The following DSCAM variants were observed in gnomAD, a reference collection of about 807,000 sequenced individuals.
DSCAM encodes the protein cell adhesion molecule DSCAM.
A neutral mutation model predicts 217.7 loss-of-function variants in DSCAM; 47 were observed. The ratio of observed to expected loss-of-function variants is 0.22; its 90% CI spans 0.17 to 0.28. The LOEUF is 0.28. DSCAM is among the 10% of genes least tolerant of loss of function. DSCAM has a pLI of 1.00. For missense variants in DSCAM, 2,080 were observed against 2,618.3 expected, an observed-to-expected ratio of 0.79 and a Z score of 4.49; for synonymous variants, 1,056 against 1,015.3, an observed-to-expected ratio of 1.04 and a Z score of -0.76.
intron 3 of DSCAM, among the ~76,000 whole-genome samples, chr21:40,477,178 A>C (rs1001948972): frequency 6.6e-6 from 1 of 152,198 alleles, no homozygotes; most frequent in Non-Finnish European, 1.5e-5. Context: ...TTCAAACCTC[A>C]TTCATACAAT....
intron 11 of DSCAM, among the ~76,000 whole-genome samples, chr21:40,217,833 G>A (rs149484539): frequency 0.014 from 2,183 of 152,030 alleles, 51 homozygotes; most frequent in African/African-American, 0.048. Context: ...GTCTGTTCAC[G>A]TCCTTTGCCC....
At chr21:40,708,427 A>G in intron 2 of DSCAM, 27 bp downstream of exon 2, 1 of 1,386,380 alleles carries the variant, frequency 7.2e-7, no homozygotes, top group Non-Finnish European at 9.4e-7. Context: ...CAGGCACAGA[A>G]AAAACAAAGC....
intron 8 of DSCAM, among the ~76,000 whole-genome samples, chr21:40,317,415 C>T (rs1464090290): frequency 1.3e-5 from 2 of 152,140 alleles, no homozygotes; most frequent in Admixed American, 6.5e-5. Context: ...GATTTATGGA[C>T]GTGCCCATTT....
At chr21:40,114,384 C>T (rs2089940633) in intron 20 of DSCAM, among the ~76,000 whole-genome samples, 1 of 151,372 alleles carries the variant, frequency 6.6e-6, no homozygotes, top group African/African-American at 2.4e-5. Flanking sequence ...AACTGGATCC[C>T]TTCCTTACAC....
chr21:40,652,344 C>T (rs1026611673), intron 3 of DSCAM, among the ~76,000 whole-genome samples: 1 of 35,926 alleles, frequency 2.8e-5, no homozygotes, highest in Non-Finnish European at 5.2e-5. Context: ...ACAACAACAA[C>T]AACAAAAAAA....
chr21:40,345,681 G>A (rs376758129), intron 6 of DSCAM, among the ~76,000 whole-genome samples: 143 of 152,036 alleles, frequency 9.4e-4, no homozygotes, highest in African/African-American at 3.2e-3. Flanking sequence ...TTAATCCATC[G>A]CTATTTCAGT....
At chr21:40,666,101 T>C (rs2090196400) in intron 3 of DSCAM, among the ~76,000 whole-genome samples, 3 of 152,060 alleles carry the variant, frequency 2.0e-5, no homozygotes, top group Admixed American at 2.0e-4. Flanking sequence ...AATTTAATGG[T>C]AACCTGAGGA....
chr21:40,094,704 G>C (rs75488844), intron 20 of DSCAM, among the ~76,000 whole-genome samples: 5,467 of 152,174 alleles, frequency 0.036, 151 homozygotes, highest in East Asian at 0.1. Context: ...ACCACAAAGG[G>C]GAAATAATTA....
chr21:40,038,040 G>A (rs59846590), intron 32 of DSCAM, among the ~76,000 whole-genome samples: 1 of 149,914 alleles, frequency 6.7e-6, no homozygotes, highest in Non-Finnish European at 1.5e-5. Flanking sequence ...AGACTTAAAC[G>A]TTAGACCTAA....
intron 15 of DSCAM, among the ~76,000 whole-genome samples, chr21:40,170,914 C>T (rs931107779): frequency 2.6e-5 from 4 of 152,118 alleles, no homozygotes; most frequent in South Asian, 2.1e-4. Context: ...AGGAAGATGG[C>T]ACACAAGAGT....
chr21:40,159,391 C>T (rs1412484775), intron 16 of DSCAM, among the ~76,000 whole-genome samples: 1 of 152,040 alleles, frequency 6.6e-6, no homozygotes, highest in Non-Finnish European at 1.5e-5. Flanking sequence ...AGTGTATATC[C>T]ACCTATGCAC....
intron 10 of DSCAM, among the ~76,000 whole-genome samples, chr21:40,285,803 C>T (rs931162594): frequency 6.6e-6 from 1 of 152,118 alleles, no homozygotes; most frequent in Admixed American, 6.5e-5. Flanking sequence ...TTGCCTTCTT[C>T]TCGTTTTTGG....
At chr21:40,337,066 T>A (rs948470448) in intron 8 of DSCAM, among the ~76,000 whole-genome samples, 6 of 152,202 alleles carry the variant, frequency 3.9e-5, no homozygotes, top group Non-Finnish European at 7.3e-5. Context: ...TAATGCAATA[T>A]ATATGCCCCG....
intron 1 of DSCAM, among the ~76,000 whole-genome samples, chr21:40,780,520 G>A (rs1245104565): frequency 6.7e-6 from 1 of 150,216 alleles, no homozygotes; most frequent in Non-Finnish European, 1.5e-5. Context: ...GAGTGTTACC[G>A]GCTGAAATGT....
chr21:40,323,129 C>T (rs1569063336), intron 8 of DSCAM, among the ~76,000 whole-genome samples: 2 of 152,170 alleles, frequency 1.3e-5, no homozygotes, highest in Admixed American at 6.5e-5. Context: ...ACTGTTCTTG[C>T]TCCAGAGCTC....
intron 6 of DSCAM, among the ~76,000 whole-genome samples, chr21:40,344,701 T>C (rs2074539172): frequency 6.6e-6 from 1 of 152,224 alleles, no homozygotes; most frequent in South Asian, 2.1e-4. Flanking sequence ...AGTTTTTCTC[T>C]TTATCTTCGG....
chr21:40,099,887 G>A (rs897164765), intron 20 of DSCAM, among the ~76,000 whole-genome samples: 6 of 152,274 alleles, frequency 3.9e-5, no homozygotes, highest in Admixed American at 2.6e-4. Context: ...GGAATCTCTC[G>A]GAGAACTTGG....
chr21:40,473,634 T>C (rs2075908317), intron 3 of DSCAM, among the ~76,000 whole-genome samples: 1 of 152,184 alleles, frequency 6.6e-6, no homozygotes, highest in Non-Finnish European at 1.5e-5. Context: ...ATGGGCTGCA[T>C]GATGTCCCTC....
intron 14 of DSCAM, among the ~76,000 whole-genome samples, chr21:40,185,735 T>TAATCCCACTTCTTTAG (rs11269985): frequency 0.072 from 10,897 of 152,158 alleles, 1,231 homozygotes; most frequent in African/African-American, 0.24. Context: ...CATGAACTTG[T>TAATCCCACTTCTTTAG]AAGAAAGGCA....
Sources: gnomAD v4.1 joint callset for allele counts (sites outside exome capture counted in the v4.1 genomes callset) on GRCh38, gnomAD v4.1.1 for gene constraint, MANE v1.5 for transcripts, NCBI Gene and HGNC (gene_info 2026-07-23, HGNC 2026-07-21) for gene names.